Variants in MEX3A observed in about 807,000 individuals in gnomAD.
The protein encoded by MEX3A is mex-3 RNA binding family member A, also known as RNA-binding protein MEX3A.
A neutral mutation model predicts 30.0 loss-of-function variants in MEX3A; 4 were observed. The ratio of observed to expected loss-of-function variants is 0.13; its 90% CI spans 0.07 to 0.30. The LOEUF (loss-of-function observed/expected upper bound fraction) is 0.30. Among genes scored for constraint, MEX3A ranks in the 10% least tolerant of loss-of-function variants. The pLI is 1.00. For synonymous variants in MEX3A, 335 were observed against 327.6 expected, an observed-to-expected ratio of 1.02 and a Z score of -0.24; for missense variants, 555 against 736.7, an observed-to-expected ratio of 0.75 and a Z score of 2.86.
At position 156,077,187 on chromosome 1, in the gene MEX3A, T is replaced by A; in HGVS notation, c.950A>T (p.Tyr317Phe). 6.2e-7 allele frequency: 1 copy of A among 1,613,458 alleles called. No individual in the cohort carries two copies. The highest frequency in any genetic ancestry group is 8.5e-7 in the Non-Finnish European group (1 of 1,179,838). ...CTGGTGCACCCGCCAGGCGTCGGAG[T>A]AGCGGCTATCGATTGCTGCGTCGGG... The part of the protein sequence containing the change: ...GSPDAAIDSR[Y>F]SDAWRVHQPG... The change falls in exon 2 of 2, where the codon TAC (tyrosine) becomes TTC (phenylalanine). Residue 317 changes from tyrosine (Y) to phenylalanine (F), a missense_variant. By Grantham distance (22) the Tyr-to-Phe change is conservative. Around this residue, in one of 6 missense-constraint regions of MEX3A, gnomAD observed 281 missense variants for 265.1 expected, o/e 1.06. Coordinates refer to ENST00000532414, the MANE Select transcript of MEX3A (RefSeq NM_001093725.2). This position sits in a 1 kb window ranked among gnomAD's most constrained non-coding sequence, Gnocchi z 8.3.
intron 1 of MEX3A, 137 bp downstream of exon 1, chr1:156,081,408 G>C (rs1648230051): frequency 1.4e-6 from 1 of 716,598 alleles, no homozygotes; most frequent in East Asian, 3.1e-5. Context: ...TTTGAAATCA[G>C]GGTAGGGGGC....
chr1:156,072,062 T>C lies in MEX3A; in HGVS notation c.*4512A>G, dbSNP rs544006528. On this transcript the variant is annotated 3_prime_UTR_variant, in exon 2 of 2. Coordinates refer to ENST00000532414, the MANE Select transcript of MEX3A (RefSeq NM_001093725.2). ...ATTAAGTTCTTAATAGCACATTTAATACATTAACCCTCCCCCTTCTTGGTT... is the reference window on the plus strand; with the variant it reads ...ATTAAGTTCTTAATAGCACATTTAACACATTAACCCTCCCCCTTCTTGGTT... 1 of 152,956 alleles carries C rather than the reference T, an allele frequency of 6.5e-6. No homozygotes were observed. The highest frequency in any genetic ancestry group is 2.1e-4 in the South Asian group (1 of 4,826). 9.5% of individuals were successfully genotyped at this position (152,956 alleles called of 1,614,324 possible).
At position 156,077,558 on chromosome 1, in the gene MEX3A, G is replaced by A. The variant is rs1463170705; in HGVS notation, c.579C>T (p.Ile193=). 1 of 1,612,246 alleles carries A rather than the reference G, an allele frequency of 6.2e-7. No individual in the cohort carries two copies. The highest frequency in any genetic ancestry group is 8.5e-7 in the Non-Finnish European group (1 of 1,179,312). Residue 193 remains isoleucine (I), a synonymous_variant, in exon 2 of 2, where the codon ATC becomes ATT. Transcript: ENST00000532414. This position sits in a 1 kb window ranked among gnomAD's most constrained non-coding sequence, Gnocchi z 8.3. Reference sequence around the variant, plus strand: ...TGGAGAAGTGCTCCGCTGCTGAGATGATTTCCCGCCGGGCTGTGGCCACGT... The same window carrying A: ...TGGAGAAGTGCTCCGCTGCTGAGATAATTTCCCGCCGGGCTGTGGCCACGT... The part of the protein sequence containing the change: ...REDVATARRE[I]ISAAEHFSMI...
intron 1 of MEX3A, among the ~76,000 whole-genome samples, chr1:156,080,297 G>C (rs1016351158): frequency 3.9e-5 from 6 of 152,126 alleles, no homozygotes; most frequent in African/African-American, 1.2e-4. Flanking sequence ...GGCTGTGCAG[G>C]GGAGTGGCAT....
In MEX3A at chr1:156,075,808, T is replaced by G. The variant is rs1648046247; in HGVS notation, c.*766A>C. On this transcript the variant is annotated 3_prime_UTR_variant, in exon 2 of 2. Coordinates refer to ENST00000532414, the MANE Select transcript of MEX3A (RefSeq NM_001093725.2). ...AAAGAGCTGGAGGGAAAGGAAAGAG[T>G]TGAGGAAAGGGAAGATCCCAAAGGA... 6.7e-6 allele frequency: 1 copy of G among 149,668 alleles called. No individual in the cohort carries two copies. The highest frequency in any genetic ancestry group is 2.1e-4 in the South Asian group (1 of 4,696). 9.3% of individuals were successfully genotyped at this position (149,668 alleles called of 1,614,324 possible).
At chr1:156,080,699 A>T (rs1046682515) in intron 1 of MEX3A, among the ~76,000 whole-genome samples, 2 of 151,884 alleles carry the variant, frequency 1.3e-5, no homozygotes, top group African/African-American at 4.8e-5. Context: ...ACGCTGGATT[A>T]ATTCTGCACC....
Position 156,081,978 on chromosome 1 carries a change from A to G in MEX3A, c.21T>C (p.Ser7=). MPSLVV[S]GIMERNGGFG... is the part of the protein sequence containing the mutation. ...AGCCCCCATTTCTTTCCATTATTCC[A>G]GATACCACTAGACTAGGCATGGCGA... Residue 7 remains serine, a synonymous_variant, in exon 1 of 2, where the codon TCT becomes TCC. Coordinates refer to ENST00000532414, the MANE Select transcript of MEX3A (RefSeq NM_001093725.2). The G allele has an allele frequency of 6.5e-7, 1 of 1,531,044 alleles. No homozygotes were observed. The highest frequency in any genetic ancestry group is 8.8e-7 in the Non-Finnish European group (1 of 1,137,048). 94.8% of individuals were successfully genotyped at this position (1,531,044 alleles called of 1,614,324 possible).
Position 156,076,958 on chromosome 1 carries a change from C to A in MEX3A, c.1179G>T (p.Ala393=). The part of the protein sequence containing the change: ...GVAETSPPLW[A]GQENATPTSV... Reference sequence around the variant, plus strand: ...AGGTGGGCGTGGCGTTCTCCTGGCCCGCCCACAGCGGGGGGCTAGTCTCGG... The same window carrying A: ...AGGTGGGCGTGGCGTTCTCCTGGCCAGCCCACAGCGGGGGGCTAGTCTCGG... Residue 393 remains alanine, a synonymous_variant, in exon 2 of 2, where the codon GCG becomes GCT. Coordinates refer to ENST00000532414, the MANE Select transcript of MEX3A (RefSeq NM_001093725.2). The surrounding 1 kb of genome is among the most constrained non-coding windows in gnomAD (Gnocchi z 6.0). The A allele has an allele frequency of 6.2e-7, 1 of 1,610,348 alleles. No individual in the cohort carries two copies.
rs551858507 is a variant in MEX3A at position 156,072,317 on chromosome 1, C to T, written c.*4257G>A. 3 of 152,352 alleles carry T rather than the reference C, an allele frequency of 2.0e-5. No individual in the cohort carries two copies. Among genetic ancestry groups the T allele is most frequent in the African/African-American group, 4.8e-5 (2 of 41,372 alleles). The allele number at this position is 152,352 out of a possible 1,614,324, so 9.4% of individuals were successfully genotyped here. On this transcript the variant is annotated 3_prime_UTR_variant, in exon 2 of 2. Coordinates refer to ENST00000532414, the MANE Select transcript of MEX3A (RefSeq NM_001093725.2). Reference sequence around the variant, plus strand: ...ACCCCCCCTTCCCCACCCGCACCCTCGAGTGGGGAAGGGGAAGCCCTCCCC... The same window carrying T: ...ACCCCCCCTTCCCCACCCGCACCCTTGAGTGGGGAAGGGGAAGCCCTCCCC...
At position 156,072,155 on chromosome 1, in the gene MEX3A, T is replaced by A. The variant is rs1210151986; in HGVS notation, c.*4419A>T. 6.5e-6 allele frequency: 1 copy of A among 152,774 alleles called. No homozygotes were observed. The allele number at this position is 152,774 out of a possible 1,614,324, so 9.5% of individuals were successfully genotyped here. On this transcript the variant is annotated 3_prime_UTR_variant, in exon 2 of 2. Transcript: ENST00000532414. Reference sequence around the variant, plus strand: ...GGGTCTGTTTTATTTCCCGCTTTTATTTTGCTTTTGAAATCTTTTTCCTTG... The same window carrying A: ...GGGTCTGTTTTATTTCCCGCTTTTAATTTGCTTTTGAAATCTTTTTCCTTG...
chr1:156,081,479 T>A, intron 1 of MEX3A, 66 bp downstream of exon 1: 1 of 1,406,368 alleles, frequency 7.1e-7, no homozygotes, highest in African/African-American at 1.4e-5. Context: ...AGAAATGAAC[T>A]TTCCGCGCTA....
chr1:156,082,021 AGAGAGAGG>A lies in MEX3A; in HGVS notation c.-31_-24del. The A allele has an allele frequency of 8.1e-7, 1 of 1,228,230 alleles. No homozygotes were observed. Among genetic ancestry groups the A allele is most frequent in the Non-Finnish European group, 1.1e-6 (1 of 939,852 alleles). The allele number at this position is 1,228,230 out of a possible 1,614,324, so 76.1% of individuals were successfully genotyped here. On this transcript the variant is annotated 5_prime_UTR_variant, in exon 1 of 2. Transcript: ENST00000532414. ...CATGGCGAAACAAAAGCTGGGGGAG[AGAGAGAGG>A]GAGAGAGAGAGAGAGAGGTGGTGGA...
At chr1:156,080,690 C>T (rs566566271) in intron 1 of MEX3A, among the ~76,000 whole-genome samples, 22 of 152,182 alleles carry the variant, frequency 1.4e-4, no homozygotes, top group African/African-American at 4.6e-4. Flanking sequence ...AGACATACTA[C>T]GCTGGATTAA....
chr1:156,072,989 C>T lies in MEX3A; in HGVS notation c.*3585G>A, dbSNP rs1647957058. On this transcript the variant is annotated 3_prime_UTR_variant, in exon 2 of 2. Coordinates refer to ENST00000532414, the MANE Select transcript of MEX3A (RefSeq NM_001093725.2). The stretch of plus-strand genomic sequence containing the variant: ...ATGGAGGTCAAAGCTAAGTGGAAAG[C>T]TGGATGGGAACAGGGGTAGGGGACT... 6.6e-6 allele frequency: 1 copy of T among 152,366 alleles called. No homozygotes were observed. Among genetic ancestry groups the T allele is most frequent in the Admixed American group, 6.5e-5 (1 of 15,278 alleles). 9.4% of individuals were successfully genotyped at this position (152,366 alleles called of 1,614,324 possible).
intron 1 of MEX3A, among the ~76,000 whole-genome samples, chr1:156,079,648 A>G (rs192310203): frequency 2.0e-5 from 3 of 152,142 alleles, no homozygotes; most frequent in Non-Finnish European, 4.4e-5. Context: ...TCAGTAAATG[A>G]TTGTTCTATT....
Position 156,073,507 on chromosome 1 carries a change from A to T in MEX3A, c.*3067T>A, listed in dbSNP as rs1178829200. 2 of 152,636 alleles carry T rather than the reference A, an allele frequency of 1.3e-5. No individual in the cohort carries two copies. The highest frequency in any genetic ancestry group is 1.3e-4 in the Admixed American group (2 of 15,264). The allele number at this position is 152,636 out of a possible 1,614,324, so 9.5% of individuals were successfully genotyped here. A position where few individuals can be genotyped will look rare whatever the true frequency, so the allele number is the denominator to read the frequency against. On this transcript the variant is annotated 3_prime_UTR_variant, in exon 2 of 2. Coordinates refer to ENST00000532414, the MANE Select transcript of MEX3A (RefSeq NM_001093725.2). Reference sequence around the variant, plus strand: ...ACTCAGCCACTTCCCTCCTCTATTTATCTTTTCCTTACAACTTTTATACAT... The same window carrying T: ...ACTCAGCCACTTCCCTCCTCTATTTTTCTTTTCCTTACAACTTTTATACAT...
In MEX3A at chr1:156,074,958, A is replaced by C. The variant is rs1648016559; in HGVS notation, c.*1616T>G. The C allele has an allele frequency of 6.5e-6, 1 of 152,738 alleles. No individual in the cohort carries two copies. Among genetic ancestry groups the C allele is most frequent in the African/African-American group, 2.4e-5 (1 of 41,438 alleles). 9.5% of individuals were successfully genotyped at this position (152,738 alleles called of 1,614,324 possible). On this transcript the variant is annotated 3_prime_UTR_variant, in exon 2 of 2. Transcript: ENST00000532414. The stretch of plus-strand genomic sequence containing the variant: ...AAGTGCTCGGGTGATCACTCAGAAC[A>C]GTCCCACCCCACTATTTACAAGGAT...
At position 156,075,964 on chromosome 1, in the gene MEX3A, C is replaced by T. The variant is rs114516409; in HGVS notation, c.*610G>A. 1,209 of 152,554 alleles carry T rather than the reference C, an allele frequency of 7.9e-3. 9 individuals carry two copies. The highest frequency in any genetic ancestry group is 0.011 in the Non-Finnish European group (729 of 68,176). The allele number at this position is 152,554 out of a possible 1,614,324, so 9.5% of individuals were successfully genotyped here. On this transcript the variant is annotated 3_prime_UTR_variant, in exon 2 of 2. Coordinates refer to ENST00000532414, the MANE Select transcript of MEX3A (RefSeq NM_001093725.2). Reference sequence around the variant, plus strand: ...CTTCTGAGCCTTTCAGCCACAGAAACGATTGACATGCTTCTCTCCCCAACC... The same window carrying T: ...CTTCTGAGCCTTTCAGCCACAGAAATGATTGACATGCTTCTCTCCCCAACC...
Position 156,076,485 on chromosome 1 carries a change from T to C in MEX3A, c.*89A>G. The C allele has an allele frequency of 7.2e-7, 1 of 1,392,164 alleles. No homozygotes were observed. Among genetic ancestry groups the C allele is most frequent in the Non-Finnish European group, 9.7e-7 (1 of 1,031,934 alleles). The allele number at this position is 1,392,164 out of a possible 1,614,324, so 86.2% of individuals were successfully genotyped here. A position where few individuals can be genotyped will look rare whatever the true frequency, so the allele number is the denominator to read the frequency against. On this transcript the variant is annotated 3_prime_UTR_variant, in exon 2 of 2. Transcript: ENST00000532414. This position sits in a 1 kb window ranked among gnomAD's most constrained non-coding sequence, Gnocchi z 6.0. ...CGAGTATCTCTAAGCACCTTGCCCC[T>C]CAAATCACCGCTTTCCAAAAGGCTT...
Sources: allele counts gnomAD v4.1 joint callset (sites outside exome capture counted in the v4.1 genomes callset), GRCh38; gene constraint gnomAD v4.1.1; regional missense constraint gnomAD v4.1.1; non-coding constraint Gnocchi (gnomAD v3.1); transcripts MANE v1.5; gene names NCBI Gene and HGNC (gene_info 2026-07-23, HGNC 2026-07-21).